Variants in TRIM13 observed in about 807,000 individuals in gnomAD.
TRIM13 encodes the protein tripartite motif containing 13.
Under a neutral mutation model 27.1 loss-of-function variants are expected in TRIM13, and 15 were observed. The observed-to-expected ratio is 0.55, with a 90% CI of 0.37 to 0.85. The LOEUF is 0.85. TRIM13 is among the 40% of genes least tolerant of loss of function. TRIM13 has a pLI of 0.00. For synonymous variants in TRIM13, 193 were observed against 171.5 expected (o/e 1.13, Z -0.98); for missense variants, 402 against 472.2 (o/e 0.85, Z 1.38).
intron 1 of TRIM13, among the ~76,000 whole-genome samples, chr13:50,003,965 A>G (rs2138359685): frequency 6.6e-6 from 1 of 152,352 alleles, no homozygotes; most frequent in East Asian, 1.9e-4. Context: ...AATTGTTGGT[A>G]TAAAACATTT....
In TRIM13 at chr13:50,012,697, C is replaced by G. The variant is rs1373225227; in HGVS notation, c.757C>G (p.Gln253Glu). ...ACCCATTGTATTTCTGCAACAGATG[C>G]AGGAGTTTAGAGAGAAAATCAAAGT... The part of the protein sequence containing the change: ...SEPIVFLQQM[Q>E]EFREKIKVIK... The change falls in exon 2 of 2, where the codon CAG becomes GAG. Residue 253 changes from glutamine to glutamate, a missense_variant. This residue lies in a region of TRIM13 where 200 missense variants were observed against 194.7 expected (regional missense o/e 1.03). Coordinates refer to ENST00000378182, the MANE Select transcript of TRIM13 (RefSeq NM_213590.3). 1 of 1,614,144 alleles carries G rather than the reference C, an allele frequency of 6.2e-7. No homozygotes were observed. Among genetic ancestry groups the G allele is most frequent in the Admixed American group, 1.7e-5 (1 of 60,010 alleles).
chr13:50,012,461 T>TC lies in TRIM13; in HGVS notation c.521_522insC (p.Leu174PhefsTer4). 6.2e-7 allele frequency: 1 copy of TC among 1,614,026 alleles called. No individual in the cohort carries two copies. Among genetic ancestry groups the TC allele is most frequent in the Non-Finnish European group, 8.5e-7 (1 of 1,179,992 alleles). On this transcript the variant is annotated frameshift_variant, in exon 2 of 2. Coordinates refer to ENST00000378182, the MANE Select transcript of TRIM13 (RefSeq NM_213590.3). LOFTEE classifies it high-confidence loss of function. Reference sequence around the variant, plus strand: ...ACTAGTAAGAGGAAATCCCTACAGTTACTGACTAAAGATTCAGATAAAGTG... The same window carrying TC: ...ACTAGTAAGAGGAAATCCCTACAGTTCACTGACTAAAGATTCAGATAAAGTG...
Position 50,014,565 on chromosome 13 carries a change from C to G in TRIM13, c.*1401C>G, listed in dbSNP as rs1205933156. 2 of 166,564 alleles carry G rather than the reference C, an allele frequency of 1.2e-5. No individual in the cohort carries two copies. Among genetic ancestry groups the G allele is most frequent in the African/African-American group, 4.8e-5 (2 of 41,300 alleles). The allele number at this position is 166,564 out of a possible 1,614,324, so 10.3% of individuals were successfully genotyped here. On this transcript the variant is annotated 3_prime_UTR_variant, in exon 2 of 2. Transcript: ENST00000378182. ...AGTGTAGTTAAGACTAATTTGACAA[C>G]AGATAAAACAGTCTGTCAGCTATTA...
chr13:50,009,959 A>G, intron 1 of TRIM13, among the ~76,000 whole-genome samples: 1 of 151,532 alleles, frequency 6.6e-6, no homozygotes, highest in African/African-American at 2.4e-5. Flanking sequence ...AAAAGGAAAT[A>G]CACAAAAATC....
intron 1 of TRIM13, among the ~76,000 whole-genome samples, chr13:49,999,560 C>T (rs773919085): frequency 6.6e-6 from 1 of 152,020 alleles, no homozygotes; most frequent in Non-Finnish European, 1.5e-5. Context: ...AATTTTTTTC[C>T]AAGAGATGGG....
chr13:50,010,769 C>G (rs1391774281), intron 1 of TRIM13, among the ~76,000 whole-genome samples: 2 of 151,848 alleles, frequency 1.3e-5, no homozygotes, highest in African/African-American at 2.4e-5. Flanking sequence ...TTTTTTTTCC[C>G]CAGAAAATGT....
At position 49,999,334 on chromosome 13, in the gene TRIM13, A is replaced by G. The variant is rs538372003; in HGVS notation, c.-7+1571A>G. On this transcript the variant is annotated intron_variant, in intron 1 of 1. Transcript: ENST00000378182. ...TCACCACCTCCTCAAGCCTCTGTACAAAATCGATTGCGTTTCACCCCAAAC... is the reference window on the plus strand; with the variant it reads ...TCACCACCTCCTCAAGCCTCTGTACGAAATCGATTGCGTTTCACCCCAAAC... Among the ~76,000 whole-genome samples, 13 of 152,204 alleles carry G rather than the reference A, an allele frequency of 8.5e-5. No homozygotes were observed. The East Asian group carries it at 2.5e-3, about 29-fold the overall frequency.
In TRIM13 at chr13:50,015,091, AAAAATATATATATATATATAT is replaced by A. The variant is rs1338014307; in HGVS notation, c.*1929_*1949del. Reference sequence around the variant, plus strand: ...TCCCAGTAATAAAAAAAAAAAAAAAAAAAATATATATATATATATATATATATATATATATATATATATATA... The same window carrying A: ...TCCCAGTAATAAAAAAAAAAAAAAAAATATATATATATATATATATATATA... On this transcript the variant is annotated 3_prime_UTR_variant, in exon 2 of 2. Transcript: ENST00000378182. 7.2e-4 allele frequency: 21 copies of A among 29,064 alleles called. 1 individual carries two copies. The South Asian group carries it at 0.011, about 15-fold the overall frequency. The allele number at this position is 29,064 out of a possible 1,614,324, so 1.8% of individuals were successfully genotyped here. A position where few individuals can be genotyped will look rare whatever the true frequency, so the allele number is the denominator to read the frequency against.
chr13:50,006,043 A>G (rs2138374363), intron 1 of TRIM13, among the ~76,000 whole-genome samples: 1 of 152,204 alleles, frequency 6.6e-6, no homozygotes, highest in East Asian at 1.9e-4. Context: ...AAGTGAATGA[A>G]AATAAGAATC....
intron 1 of TRIM13, among the ~76,000 whole-genome samples, chr13:50,009,766 A>AACG (rs1247412185): frequency 6.7e-6 from 1 of 150,132 alleles, no homozygotes; most frequent in African/African-American, 2.4e-5. Context: ...AAACAACAAC[A>AACG]ACAAAAAACA....
chr13:49,999,486 G>A (rs1033169978), intron 1 of TRIM13, among the ~76,000 whole-genome samples: 6 of 152,078 alleles, frequency 3.9e-5, no homozygotes, highest in Non-Finnish European at 8.8e-5. Flanking sequence ...AGACAACCAC[G>A]GGTGTATCCC....
chr13:50,010,915 G>A (rs978304216), intron 1 of TRIM13, among the ~76,000 whole-genome samples: 2 of 152,088 alleles, frequency 1.3e-5, no homozygotes, highest in South Asian at 2.1e-4. Flanking sequence ...AACATCTGCC[G>A]GTATGCAGAA....
intron 1 of TRIM13, among the ~76,000 whole-genome samples, chr13:50,009,338 T>C (rs1182578055): frequency 6.6e-6 from 1 of 152,150 alleles, no homozygotes; most frequent in Admixed American, 6.5e-5. Context: ...CTGGGTGTGG[T>C]GGCTCATGCC....
chr13:49,998,219 T>A (rs968571662), intron 1 of TRIM13, among the ~76,000 whole-genome samples: 1 of 152,182 alleles, frequency 6.6e-6, no homozygotes, highest in African/African-American at 2.4e-5. Flanking sequence ...AATGGGAGCG[T>A]CCCTATCCCT....
intron 1 of TRIM13, among the ~76,000 whole-genome samples, chr13:50,000,772 T>C (rs1272348341): frequency 2.6e-5 from 4 of 152,100 alleles, no homozygotes; most frequent in Non-Finnish European, 5.9e-5. Flanking sequence ...AAAAACTAAT[T>C]TTATAATTTA....
rs144559101 is a variant in TRIM13 at position 50,012,046 on chromosome 13, G to A, written c.106G>A (p.Gly36Ser). The A allele has an allele frequency of 6.2e-6, 10 of 1,613,898 alleles. No individual in the cohort carries two copies. Among genetic ancestry groups the A allele is most frequent in the Non-Finnish European group, 8.5e-6 (10 of 1,180,000 alleles). ...SHNFCKKCLE[G>S]ILEGSVRNSL... ...CAACTTCTGCAAAAAATGCTTAGAA[G>A]GTATCTTAGAAGGGAGTGTGCGGAA... Residue 36 changes from glycine (G) to serine (S), a missense_variant, in exon 2 of 2, where the codon GGT becomes AGT. Coordinates refer to ENST00000378182, the MANE Select transcript of TRIM13 (RefSeq NM_213590.3).
In TRIM13 at chr13:50,004,782, A is replaced by G. The variant is rs113739308; in HGVS notation, c.-7+7019A>G. Reference sequence around the variant, plus strand: ...GTGACAGCCCGAGACCCTGTCTTAAAAAAAAAAAAAGGGCCAGGTGCGGTG... The same window carrying G: ...GTGACAGCCCGAGACCCTGTCTTAAGAAAAAAAAAAGGGCCAGGTGCGGTG... On this transcript the variant is annotated intron_variant, in intron 1 of 1. Coordinates refer to ENST00000378182, the MANE Select transcript of TRIM13 (RefSeq NM_213590.3). 4.3e-3 allele frequency among the ~76,000 whole-genome samples: 646 copies of G among 150,854 alleles called. 2 individuals carry two copies. Among genetic ancestry groups the G allele is most frequent in the Admixed American group, 6.7e-3 (102 of 15,176 alleles).
At chr13:50,001,822 TCTTA>T (rs1874079780) in intron 1 of TRIM13, among the ~76,000 whole-genome samples, 1 of 152,242 alleles carries the variant, frequency 6.6e-6, no homozygotes, top group Non-Finnish European at 1.5e-5. Flanking sequence ...GATCTCTGTA[TCTTA>T]CTTTGTCCTG....
intron 1 of TRIM13, among the ~76,000 whole-genome samples, chr13:49,999,551 A>G (rs1566430650): frequency 6.6e-6 from 1 of 152,076 alleles, no homozygotes; most frequent in East Asian, 1.9e-4. Context: ...TCATTTTTAA[A>G]TTTTTTTCCA....
Sources: gnomAD v4.1 joint callset for allele counts (sites outside exome capture counted in the v4.1 genomes callset) on GRCh38, gnomAD v4.1.1 for gene constraint, gnomAD v4.1.1 regional missense constraint, MANE v1.5 for transcripts, NCBI Gene and HGNC (gene_info 2026-07-23, HGNC 2026-07-21) for gene names.